BTRC: variants seen among roughly 807,000 people sequenced by gnomAD.
BTRC encodes F-box/WD repeat-containing protein 1A.
BTRC carries 42 observed loss-of-function variants against 85.5 expected under a neutral mutation model. That is an observed-to-expected ratio of 0.49 (90% confidence interval 0.38 to 0.64). BTRC has a LOEUF of 0.64. Among genes scored for constraint, BTRC ranks in the 30% least tolerant of loss-of-function variants. The pLI is 0.00. For synonymous variants in BTRC, 255 were observed against 263.3 expected, an observed-to-expected ratio of 0.97 and a Z score of 0.30; for missense variants, 594 against 743.5, an observed-to-expected ratio of 0.80 and a Z score of 2.34.
chr10:101,398,284 G>A (rs749678008), intron 1 of BTRC, among the ~76,000 whole-genome samples: 1 of 152,116 alleles, frequency 6.6e-6, no homozygotes, highest in Non-Finnish European at 1.5e-5. Context: ...AAAAATGTGT[G>A]TTGAAAATTT....
intron 1 of BTRC, among the ~76,000 whole-genome samples, chr10:101,426,529 G>T (rs1037734868): frequency 6.6e-6 from 1 of 152,158 alleles, no homozygotes; most frequent in Non-Finnish European, 1.5e-5. Flanking sequence ...AGGGGATGGG[G>T]TAAGCACTTT....
chr10:101,453,666 T>C (rs1945005095), intron 2 of BTRC: 2 of 152,202 alleles, frequency 1.3e-5, no homozygotes. Context: ...AGTTGTGTGT[T>C]CAAATAGATA....
At chr10:101,531,970 A>G (rs1245265815) in intron 7 of BTRC, among the ~76,000 whole-genome samples, 3 of 152,220 alleles carry the variant, frequency 2.0e-5, no homozygotes, top group Non-Finnish European at 2.9e-5. Flanking sequence ...AATGGCCATC[A>G]CATATGTAAG....
intron 1 of BTRC, among the ~76,000 whole-genome samples, chr10:101,367,050 AT>A (rs370472183): frequency 0.025 from 2,249 of 90,642 alleles, 166 homozygotes; most frequent in Non-Finnish European, 0.034. Flanking sequence ...ATAAATATAT[AT>A]ATATATAAAT....
chr10:101,483,827 G>A (rs1480392494), intron 4 of BTRC, among the ~76,000 whole-genome samples: 1 of 152,040 alleles, frequency 6.6e-6, no homozygotes, highest in Non-Finnish European at 1.5e-5. Context: ...TAATCACATT[G>A]TGCTTATTAC....
At chr10:101,440,594 A>G (rs1177967608) in intron 2 of BTRC, among the ~76,000 whole-genome samples, 1 of 152,020 alleles carries the variant, frequency 6.6e-6, no homozygotes, top group Non-Finnish European at 1.5e-5. Flanking sequence ...TGGTGGTGCC[A>G]GTCTGTGGTC....
At chr10:101,361,532 C>T (rs893838038) in intron 1 of BTRC, among the ~76,000 whole-genome samples, 2 of 152,140 alleles carry the variant, frequency 1.3e-5, no homozygotes, top group African/African-American at 4.8e-5. Context: ...TTTCTCTTTC[C>T]GTAATAAGTC....
At chr10:101,364,076 ACAGTAATCTACTG>A (rs1327189705) in intron 1 of BTRC, among the ~76,000 whole-genome samples, 1 of 152,186 alleles carries the variant, frequency 6.6e-6, no homozygotes, top group Non-Finnish European at 1.5e-5. Flanking sequence ...TACTATAGTG[ACAGTAATCTACTG>A]CAGTGATCTA....
At chr10:101,467,317 C>G (rs1229068929) in intron 3 of BTRC, among the ~76,000 whole-genome samples, 1 of 145,072 alleles carries the variant, frequency 6.9e-6, no homozygotes, top group South Asian at 2.2e-4. Flanking sequence ...TCCCTGATAT[C>G]AGGCAGGCAG....
chr10:101,456,971 A>G (rs1178279378), intron 2 of BTRC, among the ~76,000 whole-genome samples: 2 of 152,316 alleles, frequency 1.3e-5, no homozygotes, highest in East Asian at 1.9e-4. Flanking sequence ...CATAGGGGGT[A>G]TGTTCCCCAG....
intron 4 of BTRC, among the ~76,000 whole-genome samples, chr10:101,502,185 A>G (rs1303803290): frequency 1.3e-5 from 2 of 152,196 alleles, no homozygotes; most frequent in Non-Finnish European, 2.9e-5. Context: ...TTCTAAAACA[A>G]TGCCACAAAT....
intron 1 of BTRC, among the ~76,000 whole-genome samples, chr10:101,387,546 T>TTTTTTTTTTTTTTTTTTTTG (rs1943114955): frequency 8.2e-6 from 1 of 121,242 alleles, no homozygotes; most frequent in Non-Finnish European, 1.8e-5. Flanking sequence ...TTTTTTTTTT[T>TTTTTTTTTTTTTTTTTTTTG]GAGATAGCCT....
intron 13 of BTRC, among the ~76,000 whole-genome samples, chr10:101,550,414 A>G (rs543793940): frequency 1.3e-5 from 2 of 152,034 alleles, no homozygotes; most frequent in South Asian, 4.2e-4. Flanking sequence ...CCTCCCAAGT[A>G]GCTGGGACTA....
chr10:101,452,033 A>G (rs1366158668), intron 2 of BTRC, among the ~76,000 whole-genome samples: 1 of 152,218 alleles, frequency 6.6e-6, no homozygotes, highest in Non-Finnish European at 1.5e-5. Context: ...TTAACGAGGC[A>G]GCAGCAATAA....
chr10:101,428,858 A>C (rs1944326691), intron 1 of BTRC, among the ~76,000 whole-genome samples: 1 of 152,112 alleles, frequency 6.6e-6, no homozygotes, highest in Non-Finnish European at 1.5e-5. Context: ...AAGAGACGGG[A>C]TCTTGCTGTG....
chr10:101,426,182 T>A (rs1399327674), intron 1 of BTRC, among the ~76,000 whole-genome samples: 1 of 152,236 alleles, frequency 6.6e-6, no homozygotes, highest in Non-Finnish European at 1.5e-5. Flanking sequence ...GTAAAAGTTA[T>A]AGCCCACTCC....
chr10:101,512,162 A>G (rs532794773), intron 4 of BTRC, among the ~76,000 whole-genome samples: 5 of 152,342 alleles, frequency 3.3e-5, no homozygotes, highest in South Asian at 4.1e-4. Context: ...TGATACCACT[A>G]AAGTTCCAGG....
chr10:101,461,642 TA>T (rs1263710283), intron 2 of BTRC, among the ~76,000 whole-genome samples: 1 of 152,200 alleles, frequency 6.6e-6, no homozygotes, highest in Admixed American at 6.5e-5. Flanking sequence ...ATCATGGTTT[TA>T]GTTGTCATCA....
chr10:101,505,493 G>A (rs1330242040), intron 4 of BTRC, among the ~76,000 whole-genome samples: 5 of 151,502 alleles, frequency 3.3e-5, no homozygotes, highest in African/African-American at 7.3e-5. Flanking sequence ...GGTGGCAGGC[G>A]CCTGTAGTCC....
Sources: gnomAD v4.1 joint callset for allele counts (sites outside exome capture counted in the v4.1 genomes callset) on GRCh38, gnomAD v4.1.1 for gene constraint, MANE v1.5 for transcripts, NCBI Gene and HGNC (gene_info 2026-07-23, HGNC 2026-07-21) for gene names.